Variants in GNAI3 observed in about 807,000 individuals in gnomAD.
GNAI3 encodes the protein guanine nucleotide-binding protein G(i) subunit alpha-3.
GNAI3 carries 12 observed loss-of-function variants against 41.8 expected under a neutral mutation model. The observed-to-expected ratio is 0.29, with a 90% CI of 0.18 to 0.47. The LOEUF (loss-of-function observed/expected upper bound fraction) is 0.47. GNAI3 is among the 20% of genes least tolerant of loss of function. The probability of loss-of-function intolerance (pLI) is 1.00; values close to 1 mark genes in which losing one functional copy is unlikely to be tolerated. For missense variants in GNAI3, 360 were observed against 429.6 expected (o/e 0.84, Z 1.43); for synonymous variants, 132 against 146.5 (o/e 0.90, Z 0.71).
chr1:109,570,231 ATG>A (rs1648557400), intron 1 of GNAI3, among the ~76,000 whole-genome samples: 2 of 152,176 alleles, frequency 1.3e-5, no homozygotes, highest in South Asian at 4.1e-4. Context: ...TCATATATAA[ATG>A]TACCTTTTGA....
intron 1 of GNAI3, among the ~76,000 whole-genome samples, chr1:109,567,717 A>G (rs1648493200): frequency 6.6e-6 from 1 of 152,234 alleles, no homozygotes; most frequent in Non-Finnish European, 1.5e-5. Context: ...AAACTTTGCG[A>G]GGCCTTAACG....
intron 5 of GNAI3, 122 bp from the exon 6 acceptor site, chr1:109,586,091 ATTC>A (rs1251987628): frequency 8.6e-6 from 6 of 696,718 alleles, no homozygotes; most frequent in Admixed American, 6.1e-5. Context: ...CATTTAATCT[ATTC>A]TTTTTCTTCT....
chr1:109,576,132 G>C (rs1648737113), intron 3 of GNAI3, among the ~76,000 whole-genome samples: 1 of 152,006 alleles, frequency 6.6e-6, no homozygotes, highest in South Asian at 2.1e-4. Flanking sequence ...GTAACGGTAC[G>C]ATTTTGGCTC....
intron 1 of GNAI3, among the ~76,000 whole-genome samples, chr1:109,549,904 A>G (rs763293914): frequency 7.9e-5 from 12 of 152,210 alleles, no homozygotes; most frequent in Non-Finnish European, 1.6e-4. Context: ...AATCATACAA[A>G]GAATACTGGC....
chr1:109,599,178 C>A lies in GNAI3; in HGVS notation c.*6856C>A. 5.0e-6 allele frequency: 1 copy of A among 200,024 alleles called. No homozygotes were observed. The highest frequency in any genetic ancestry group is 6.6e-5 in the South Asian group (1 of 15,190). 12.4% of individuals were successfully genotyped at this position (200,024 alleles called of 1,614,324 possible). A position where few individuals can be genotyped will look rare whatever the true frequency, so the allele number is the denominator to read the frequency against. On this transcript the variant is annotated 3_prime_UTR_variant, in exon 9 of 9. Transcript: ENST00000369851. ...TTTTGTGCCGCTTTTATCCATTCTT[C>A]CTTTTATCCACAGAAATACAAATTT...
chr1:109,579,868 C>T (rs1466315268), intron 4 of GNAI3, among the ~76,000 whole-genome samples: 2 of 152,084 alleles, frequency 1.3e-5, no homozygotes, highest in Non-Finnish European at 2.9e-5. Flanking sequence ...GTTGAAGTAT[C>T]TTTTTGTCAA....
chr1:109,571,146 GC>G (rs1648586758), intron 1 of GNAI3, among the ~76,000 whole-genome samples: 1 of 152,196 alleles, frequency 6.6e-6, no homozygotes, highest in African/African-American at 2.4e-5. Flanking sequence ...GAATGTTGGT[GC>G]CATTTACTGG....
chr1:109,581,924 C>A (rs1314794449), intron 4 of GNAI3, among the ~76,000 whole-genome samples: 1 of 146,972 alleles, frequency 6.8e-6, no homozygotes, highest in African/African-American at 2.5e-5. Flanking sequence ...AACAAAAAAA[C>A]CTACTTTTGT....
At chr1:109,549,359 A>G (rs1486031065) in intron 1 of GNAI3, among the ~76,000 whole-genome samples, 1 of 152,186 alleles carries the variant, frequency 6.6e-6, no homozygotes, top group Non-Finnish European at 1.5e-5. Context: ...TAAGAGAGCC[A>G]TTTGAACTGT....
At chr1:109,589,979 A>G (rs549724035) in intron 7 of GNAI3, among the ~76,000 whole-genome samples, 1 of 152,360 alleles carries the variant, frequency 6.6e-6, no homozygotes, top group East Asian at 1.9e-4. Context: ...ATTTTCCTCA[A>G]TAATTTTTTT....
chr1:109,590,978 T>G lies in GNAI3; in HGVS notation c.875-1065T>G, dbSNP rs1649158248. Among the ~76,000 whole-genome samples the G allele has an allele frequency of 2.0e-5, 3 of 152,344 alleles. No individual in the cohort carries two copies. In the South Asian group the frequency reaches 6.2e-4, roughly 32 times the overall value. Reference sequence around the variant, plus strand: ...GCCTGTAGTTTATTGGAATAATGAATTGTCTTTGTTGCGTTTCCCTGGCTT... The same window carrying G: ...GCCTGTAGTTTATTGGAATAATGAAGTGTCTTTGTTGCGTTTCCCTGGCTT... On this transcript the variant is annotated intron_variant, in intron 7 of 8. Coordinates refer to ENST00000369851, the MANE Select transcript of GNAI3 (RefSeq NM_006496.4).
intron 1 of GNAI3, among the ~76,000 whole-genome samples, chr1:109,563,351 C>T (rs1458500238): frequency 6.6e-6 from 1 of 152,234 alleles, no homozygotes; most frequent in Non-Finnish European, 1.5e-5. Flanking sequence ...TGCCACTGCA[C>T]TCCAGCCTGG....
chr1:109,581,231 A>C (rs1377536274), intron 4 of GNAI3, among the ~76,000 whole-genome samples: 1 of 152,008 alleles, frequency 6.6e-6, no homozygotes, highest in Non-Finnish European at 1.5e-5. Context: ...TATTTCCCTG[A>C]ACAAATTAAT....
chr1:109,585,680 T>C (rs1649018501), intron 5 of GNAI3, among the ~76,000 whole-genome samples: 1 of 152,086 alleles, frequency 6.6e-6, no homozygotes, highest in Non-Finnish European at 1.5e-5. Context: ...AGTCCCTGTT[T>C]GTTAGTAGTG....
chr1:109,566,427 A>G (rs1648456489), intron 1 of GNAI3, among the ~76,000 whole-genome samples: 1 of 152,080 alleles, frequency 6.6e-6, no homozygotes, highest in Non-Finnish European at 1.5e-5. Flanking sequence ...ATGTTTGTTG[A>G]AAAAAAATTT....
chr1:109,555,701 AC>A (rs1648120088), intron 1 of GNAI3, among the ~76,000 whole-genome samples: 1 of 152,168 alleles, frequency 6.6e-6, no homozygotes, highest in Non-Finnish European at 1.5e-5. Context: ...ATGCATTATT[AC>A]AAAAAAGTCT....
At position 109,598,679 on chromosome 1, in the gene GNAI3, C is replaced by CT. The variant is rs1445567926; in HGVS notation, c.*6360dup. 4.3e-6 allele frequency: 1 copy of CT among 230,526 alleles called. No individual in the cohort carries two copies. The highest frequency in any genetic ancestry group is 1.1e-4 in the East Asian group (1 of 9,210). The allele number at this position is 230,526 out of a possible 1,614,324, so 14.3% of individuals were successfully genotyped here. A position where few individuals can be genotyped will look rare whatever the true frequency, so the allele number is the denominator to read the frequency against. On this transcript the variant is annotated 3_prime_UTR_variant, in exon 9 of 9. Coordinates refer to ENST00000369851, the MANE Select transcript of GNAI3 (RefSeq NM_006496.4). Reference sequence around the variant, plus strand: ...GTGAAGCAGGGTGAAAAGGTCTTTGCTTTGTTTTACATTTAAATCCAGCTG... The same window carrying CT: ...GTGAAGCAGGGTGAAAAGGTCTTTGCTTTTGTTTTACATTTAAATCCAGCTG...
chr1:109,581,479 G>T (rs1032918324), intron 4 of GNAI3, among the ~76,000 whole-genome samples: 5 of 152,106 alleles, frequency 3.3e-5, no homozygotes, highest in Non-Finnish European at 7.4e-5. Flanking sequence ...ATATTATACA[G>T]TACACAGTTG....
chr1:109,575,534 CTTTTTT>C (rs747890363), intron 3 of GNAI3, among the ~76,000 whole-genome samples: 10 of 52,866 alleles, frequency 1.9e-4, no homozygotes, highest in South Asian at 7.6e-4. Context: ...CCTTTCATTT[CTTTTTT>C]TTTTTTTTTT....
Sources: gnomAD v4.1 joint callset for allele counts (sites outside exome capture counted in the v4.1 genomes callset) on GRCh38, gnomAD v4.1.1 for gene constraint, MANE v1.5 for transcripts, NCBI Gene and HGNC (gene_info 2026-07-23, HGNC 2026-07-21) for gene names.